Variants in FBXL17 observed in about 807,000 individuals in gnomAD.
The protein encoded by FBXL17 is F-box and leucine rich repeat protein 17.
Under a neutral mutation model 66.2 loss-of-function variants are expected in FBXL17, and 22 were observed. The observed-to-expected ratio is 0.33, with a 90% CI of 0.24 to 0.47. The LOEUF (loss-of-function observed/expected upper bound fraction) is 0.47, where lower values mean the gene tolerates loss of function less well. Ranked by LOEUF, FBXL17 falls within the 20% of genes least tolerant of loss-of-function variation. The pLI is 1.00. For synonymous variants in FBXL17, 474 were observed against 400.5 expected, an observed-to-expected ratio of 1.18 and a Z score of -2.19; for missense variants, 878 against 948.2, an observed-to-expected ratio of 0.93 and a Z score of 0.97.
Position 107,860,682 on chromosome 5 carries a change from C to A in FBXL17, c.*1038G>T, listed in dbSNP as rs1044337432. On this transcript the variant is annotated 3_prime_UTR_variant, in exon 9 of 9. Coordinates refer to ENST00000542267, the MANE Select transcript of FBXL17 (RefSeq NM_001163315.3). ...CATGCATATATCCAAAAAACCTGTT[C>A]AAGAACCCAAAGCAAAGCAAAAAGA... 1 of 152,572 alleles carries A rather than the reference C, an allele frequency of 6.6e-6. No individual in the cohort carries two copies. Among genetic ancestry groups the A allele is most frequent in the African/African-American group, 2.4e-5 (1 of 41,446 alleles). 9.5% of individuals were successfully genotyped at this position (152,572 alleles called of 1,614,324 possible).
chr5:108,095,702 T>A lies in FBXL17; in HGVS notation c.1746-74701A>T, dbSNP rs1231666331. 2.6e-5 allele frequency among the ~76,000 whole-genome samples: 4 copies of A among 152,228 alleles called. No individual in the cohort carries two copies. The East Asian group carries it at 7.7e-4, about 29-fold the overall frequency. ...CACTTTTATTATTAGAGACAATAAA[T>A]GGCAAATTTACTTACAATTTATTCA... On this transcript the variant is annotated intron_variant, in intron 6 of 8. Transcript: ENST00000542267.
chr5:108,044,061 T>C (rs1016404719), intron 6 of FBXL17, among the ~76,000 whole-genome samples: 1 of 152,244 alleles, frequency 6.6e-6, no homozygotes, highest in Admixed American at 6.5e-5. Context: ...AAGTCTTGCT[T>C]ACTAGTTCTA....
intron 4 of FBXL17, chr5:108,302,153 A>G (rs1412213817): frequency 3.8e-6 from 1 of 260,392 alleles, no homozygotes; most frequent in Admixed American, 6.5e-5. Context: ...ATGCAACTAA[A>G]TTGATATATC....
intron 6 of FBXL17, among the ~76,000 whole-genome samples, chr5:108,117,834 G>T (rs549623716): frequency 3.7e-4 from 57 of 152,244 alleles, no homozygotes; most frequent in African/African-American, 1.3e-3. Context: ...TTTGACACAG[G>T]AGTTCACGGA....
At chr5:108,021,028 T>G in intron 6 of FBXL17, 27 bp from the exon 7 acceptor site, 1 of 1,554,402 alleles carries the variant, frequency 6.4e-7, no homozygotes, top group Non-Finnish European at 8.9e-7. Flanking sequence ...GTGGTTATAC[T>G]AATGCGTTTC....
intron 6 of FBXL17, 26 bp from the exon 7 acceptor site, chr5:108,021,027 C>A: frequency 6.4e-7 from 1 of 1,560,208 alleles, no homozygotes; most frequent in Non-Finnish European, 8.8e-7. Flanking sequence ...AGTGGTTATA[C>A]TAATGCGTTT....
At chr5:108,083,595 A>G (rs1365378255) in intron 6 of FBXL17, among the ~76,000 whole-genome samples, 2 of 146,206 alleles carry the variant, frequency 1.4e-5, no homozygotes, top group African/African-American at 5.1e-5. Context: ...TTTGGTAGAG[A>G]CAGGGTTTTA....
chr5:107,922,553 T>C (rs1750359712), intron 7 of FBXL17, among the ~76,000 whole-genome samples: 1 of 152,188 alleles, frequency 6.6e-6, no homozygotes, highest in African/African-American at 2.4e-5. Flanking sequence ...ACTATCAGTG[T>C]AGCTGCACCC....
chr5:108,275,337 AT>A (rs1320162698), intron 4 of FBXL17, among the ~76,000 whole-genome samples: 1 of 152,198 alleles, frequency 6.6e-6, no homozygotes, highest in Non-Finnish European at 1.5e-5. Context: ...TTTTAACAAA[AT>A]ATTTAAAGTC....
At chr5:108,084,497 A>G (rs1007724118) in intron 6 of FBXL17, among the ~76,000 whole-genome samples, 1 of 152,258 alleles carries the variant, frequency 6.6e-6, no homozygotes, top group Non-Finnish European at 1.5e-5. Context: ...ATAAGCCTGC[A>G]GGGCCAACAT....
At chr5:108,161,576 A>G (rs1752221964) in intron 6 of FBXL17, among the ~76,000 whole-genome samples, 1 of 152,198 alleles carries the variant, frequency 6.6e-6, no homozygotes, top group Non-Finnish European at 1.5e-5. Flanking sequence ...AGATCTACAC[A>G]GAGGTTAGAC....
chr5:108,264,214 CA>C (rs35346820), intron 4 of FBXL17, among the ~76,000 whole-genome samples: 310 of 55,518 alleles, frequency 5.6e-3, no homozygotes, highest in East Asian at 0.044. Flanking sequence ...GACTCTTTCT[CA>C]AAAAAAAAAA....
chr5:108,371,576 C>G (rs1450415035), intron 1 of FBXL17, among the ~76,000 whole-genome samples: 1 of 152,148 alleles, frequency 6.6e-6, no homozygotes. Context: ...TGAGAAAACC[C>G]AGACATTGGA....
At chr5:108,009,580 T>C (rs1269385916) in intron 7 of FBXL17, among the ~76,000 whole-genome samples, 2 of 151,860 alleles carry the variant, frequency 1.3e-5, no homozygotes, top group Non-Finnish European at 2.9e-5. Flanking sequence ...AAAGTATTTA[T>C]TTAATGTCAT....
At chr5:108,229,749 A>T (rs2922429) in intron 4 of FBXL17, among the ~76,000 whole-genome samples, 5 of 151,950 alleles carry the variant, frequency 3.3e-5, no homozygotes, top group Non-Finnish European at 7.4e-5. Flanking sequence ...CTTCTGCACA[A>T]CAAAAGGAAG....
intron 5 of FBXL17, among the ~76,000 whole-genome samples, chr5:108,193,108 T>C (rs561939200): frequency 2.4e-4 from 36 of 152,346 alleles, no homozygotes; most frequent in African/African-American, 7.9e-4. Context: ...ACTGCACATA[T>C]TGACTTTATT....
chr5:107,883,672 C>T (rs1002888824), intron 7 of FBXL17, among the ~76,000 whole-genome samples: 11 of 152,170 alleles, frequency 7.2e-5, no homozygotes, highest in Non-Finnish European at 1.6e-4. Context: ...GGCCCACTCC[C>T]TCATTAGAAC....
intron 6 of FBXL17, among the ~76,000 whole-genome samples, chr5:108,024,140 A>C (rs1015844052): frequency 6.6e-6 from 1 of 152,190 alleles, no homozygotes; most frequent in African/African-American, 2.4e-5. Context: ...GTAGGTTCAA[A>C]GATTTCCCAC....
chr5:108,340,387 CT>C (rs1028043899), intron 4 of FBXL17, among the ~76,000 whole-genome samples: 3 of 136,902 alleles, frequency 2.2e-5, no homozygotes, highest in Non-Finnish European at 3.1e-5. Flanking sequence ...CCTGTCTCTA[CT>C]TTAAAAAAAA....
Sources: gnomAD v4.1 joint callset for allele counts (sites outside exome capture counted in the v4.1 genomes callset) on GRCh38, gnomAD v4.1.1 for gene constraint, MANE v1.5 for transcripts, NCBI Gene and HGNC (gene_info 2026-07-23, HGNC 2026-07-21) for gene names.